HNF4G: variants seen among roughly 807,000 people sequenced by gnomAD.
HNF4G encodes the protein hepatocyte nuclear factor 4 gamma.
A neutral mutation model predicts 50.9 loss-of-function variants in HNF4G; 21 were observed. That is an observed-to-expected ratio of 0.41 (90% confidence interval 0.29 to 0.59). The LOEUF (loss-of-function observed/expected upper bound fraction) is 0.59. HNF4G is among the 20% of genes least tolerant of loss of function. HNF4G has a pLI of 0.26. For missense variants in HNF4G, 527 were observed against 559.4 expected, an observed-to-expected ratio of 0.94 and a Z score of 0.58; for synonymous variants, 198 against 185.6, an observed-to-expected ratio of 1.07 and a Z score of -0.54.
At chr8:75,560,532 G>C in intron 9 of HNF4G, 66 bp downstream of exon 9, 1 of 1,518,108 alleles carries the variant, frequency 6.6e-7, no homozygotes, top group Non-Finnish European at 9.0e-7. Context: ...TGGAATTGTG[G>C]GAAAGAATCT....
At chr8:75,432,764 A>G (rs571328019) in intron 1 of HNF4G, among the ~76,000 whole-genome samples, 2 of 152,258 alleles carry the variant, frequency 1.3e-5, no homozygotes, top group South Asian at 2.1e-4. Context: ...CTTTTTAACC[A>G]ATAAGATAGT....
At chr8:75,543,764 A>G in intron 1 of HNF4G, 47 bp from the exon 2 acceptor site, 2 of 1,495,662 alleles carry the variant, frequency 1.3e-6, no homozygotes, top group Non-Finnish European at 1.8e-6. Flanking sequence ...CAATTTAGTC[A>G]GGAAATAGTA....
At chr8:75,476,061 A>AC (rs1304356198) in intron 1 of HNF4G, among the ~76,000 whole-genome samples, 4 of 152,086 alleles carry the variant, frequency 2.6e-5, no homozygotes, top group African/African-American at 9.7e-5. Flanking sequence ...TGCATATTGC[A>AC]CCCAAAAGAC....
At chr8:75,487,940 C>A (rs1320005985) in intron 1 of HNF4G, among the ~76,000 whole-genome samples, 1 of 152,100 alleles carries the variant, frequency 6.6e-6, no homozygotes, top group African/African-American at 2.4e-5. Flanking sequence ...AAGTGCCAAG[C>A]AAAAGGGGAA....
At chr8:75,468,887 A>G (rs545058548) in intron 1 of HNF4G, among the ~76,000 whole-genome samples, 2 of 152,046 alleles carry the variant, frequency 1.3e-5, no homozygotes, top group Non-Finnish European at 2.9e-5. Context: ...AGTCTTGAGA[A>G]ACAAAACAAA....
At chr8:75,444,279 C>T (rs200994316) in intron 1 of HNF4G, among the ~76,000 whole-genome samples, 4,907 of 151,570 alleles carry the variant, frequency 0.032, 179 homozygotes, top group African/African-American at 0.087. Context: ...CTGAAGGAAG[C>T]GCTAAACATG....
Position 75,438,895 on chromosome 8 carries a change from T to A in HNF4G, c.-144+30733T>A, listed in dbSNP as rs186359598. Among the ~76,000 whole-genome samples, 37 of 152,208 alleles carry A rather than the reference T, an allele frequency of 2.4e-4. No individual in the cohort carries two copies. The East Asian group carries it at 6.8e-3, about 28-fold the overall frequency. ...CGAGTAGGGTAAATATATATGCTTT[T>A]CTTTTTCCTTCACTTTGATTTTTTT... On this transcript the variant is annotated intron_variant, in intron 1 of 10. Transcript: ENST00000354370.
chr8:75,505,949 C>T (rs1813067684), intron 2 of HNF4G, among the ~76,000 whole-genome samples: 1 of 151,890 alleles, frequency 6.6e-6, no homozygotes, highest in Non-Finnish European at 1.5e-5. Flanking sequence ...TTAGAAATGA[C>T]ATCTCTAGAG....
intron 1 of HNF4G, among the ~76,000 whole-genome samples, chr8:75,409,490 T>C (rs913551405): frequency 3.5e-5 from 5 of 141,784 alleles, no homozygotes; most frequent in East Asian, 2.0e-4. Context: ...CTTTTTTTTT[T>C]TTTTTTTTTT....
intron 2 of HNF4G, among the ~76,000 whole-genome samples, chr8:75,494,598 A>G (rs1219665265): frequency 4.6e-5 from 7 of 152,170 alleles, no homozygotes; most frequent in Non-Finnish European, 1.0e-4. Context: ...TTTAGAAACA[A>G]TCTTATCAAG....
intron 2 of HNF4G, among the ~76,000 whole-genome samples, chr8:75,502,501 AG>A (rs1812957110): frequency 6.6e-6 from 1 of 152,230 alleles, no homozygotes; most frequent in Non-Finnish European, 1.5e-5. Flanking sequence ...TAATGGGCAA[AG>A]GACAAAAACA....
intron 2 of HNF4G, chr8:75,495,586 G>A (rs936274904): frequency 1.3e-4 from 20 of 148,856 alleles, no homozygotes; most frequent in Admixed American, 4.0e-4. Flanking sequence ...CACCCAGGCT[G>A]GAGCGCAGTG....
chr8:75,410,635 T>G (rs1357066550), intron 1 of HNF4G, among the ~76,000 whole-genome samples: 1 of 152,192 alleles, frequency 6.6e-6, no homozygotes, highest in Non-Finnish European at 1.5e-5. Flanking sequence ...GTTGCAGTTG[T>G]GATTTTGTGG....
rs1806283574 is a variant in HNF4G at position 75,529,890 on chromosome 8, C to T, written c.-23-13921C>T. Among the ~76,000 whole-genome samples, 5 of 152,098 alleles carry T rather than the reference C, an allele frequency of 3.3e-5. No individual in the cohort carries two copies. The South Asian group carries it at 6.2e-4, about 19-fold the overall frequency. Reference sequence around the variant, plus strand: ...ATTTTTAAACACTTAATTTTGTTGTCCTCTCCTCCAAACTTTTATCCAACC... The same window carrying T: ...ATTTTTAAACACTTAATTTTGTTGTTCTCTCCTCCAAACTTTTATCCAACC... On this transcript the variant is annotated intron_variant, in intron 2 of 10. Transcript: ENST00000354370.
intron 1 of HNF4G, among the ~76,000 whole-genome samples, chr8:75,415,778 T>C (rs1810618727): frequency 1.3e-5 from 2 of 149,854 alleles, no homozygotes; most frequent in Admixed American, 1.3e-4. Context: ...CGTGTGTGTG[T>C]TGGGGGGTGG....
At chr8:75,535,054 G>T (rs1806424291), upstream of HNF4G, among the ~76,000 whole-genome samples, 1 of 151,544 alleles carries the variant, frequency 6.6e-6, no homozygotes, top group Non-Finnish European at 1.5e-5. Flanking sequence ...GAACAACAAA[G>T]GAAAGAGATA....
chr8:75,471,258 T>C (rs1448907246), intron 1 of HNF4G, among the ~76,000 whole-genome samples: 2 of 152,192 alleles, frequency 1.3e-5, no homozygotes, highest in Non-Finnish European at 2.9e-5. Context: ...GTAGGGACTG[T>C]ATATCATGAA....
chr8:75,497,557 G>A (rs569755491), intron 2 of HNF4G, among the ~76,000 whole-genome samples: 30 of 151,922 alleles, frequency 2.0e-4, no homozygotes, highest in East Asian at 5.8e-4. Flanking sequence ...GGTGGCAGGC[G>A]CCTGTAATCC....
intron 1 of HNF4G, among the ~76,000 whole-genome samples, chr8:75,468,643 A>G (rs1457730393): frequency 6.6e-6 from 1 of 151,662 alleles, no homozygotes; most frequent in Admixed American, 6.6e-5. Context: ...GTAGTGAGCC[A>G]AGATCATGCC....
Sources: allele counts gnomAD v4.1 joint callset (sites outside exome capture counted in the v4.1 genomes callset), GRCh38; gene constraint gnomAD v4.1.1; transcripts MANE v1.5; gene names NCBI Gene and HGNC (gene_info 2026-07-23, HGNC 2026-07-21).